Variants in GTF2IRD1 observed in about 807,000 individuals in gnomAD.
GTF2IRD1 encodes GTF2I repeat domain containing 1.
A neutral mutation model predicts 113.2 loss-of-function variants in GTF2IRD1; 26 were observed. That is an observed-to-expected ratio of 0.23 (90% confidence interval 0.17 to 0.32). The LOEUF (loss-of-function observed/expected upper bound fraction) is 0.32, where lower values mean the gene tolerates loss of function less well. Among genes scored for constraint, GTF2IRD1 ranks in the 10% least tolerant of loss-of-function variants. The pLI is 1.00. For synonymous variants in GTF2IRD1, 484 were observed against 529.1 expected, an observed-to-expected ratio of 0.91 and a Z score of 1.17; for missense variants, 864 against 1,280.8, an observed-to-expected ratio of 0.67 and a Z score of 4.97.
intron 2 of GTF2IRD1, among the ~76,000 whole-genome samples, chr7:74,509,362 AAAAT>A (rs1562816614): frequency 6.6e-6 from 1 of 151,702 alleles, no homozygotes; most frequent in Non-Finnish European, 1.5e-5. Flanking sequence ...GTCTCAAAAA[AAAAT>A]AAATAAAAAT....
intron 22 of GTF2IRD1, among the ~76,000 whole-genome samples, chr7:74,584,145 A>T (rs1554367066): frequency 1.3e-5 from 2 of 152,112 alleles, no homozygotes; most frequent in Non-Finnish European, 2.9e-5. Flanking sequence ...CAGAGTTTTG[A>T]GGACTTTGGT....
chr7:74,460,938 G>A (rs868919018), intron 1 of GTF2IRD1, among the ~76,000 whole-genome samples: 1 of 152,042 alleles, frequency 6.6e-6, no homozygotes, highest in African/African-American at 2.4e-5. Context: ...CCTGAGGCAG[G>A]TTCCCAGCAC....
At position 74,485,434 on chromosome 7, in the gene GTF2IRD1, G is replaced by A. The variant is rs184831392; in HGVS notation, c.-6-22641G>A. Among the ~76,000 whole-genome samples, 31 of 151,276 alleles carry A rather than the reference G, an allele frequency of 2.0e-4. 1 individual carries two copies. The South Asian group carries it at 2.7e-3, about 13-fold the overall frequency. On this transcript the variant is annotated intron_variant, in intron 1 of 26. Coordinates refer to ENST00000424337, the MANE Select transcript of GTF2IRD1 (RefSeq NM_005685.4). ...AGATCGAGACCATCCTGGCTAACAC[G>A]GTGAAACCCCGTCTCTACTAAAAAC...
intron 22 of GTF2IRD1, among the ~76,000 whole-genome samples, chr7:74,586,655 C>T (rs1433620911): frequency 1.3e-5 from 2 of 152,190 alleles, no homozygotes; most frequent in East Asian, 3.9e-4. Context: ...TGCCCAGCCT[C>T]TGTCCTGTGG....
chr7:74,557,769 C>T (rs1799689295), intron 20 of GTF2IRD1, 47 bp downstream of exon 20: 2 of 1,203,426 alleles, frequency 1.7e-6, no homozygotes, highest in Non-Finnish European at 1.2e-6. Flanking sequence ...CTGCTGTGCA[C>T]AGAGAAGTGG....
chr7:74,548,510 C>G (rs1232405615), intron 17 of GTF2IRD1, among the ~76,000 whole-genome samples: 3 of 152,022 alleles, frequency 2.0e-5, no homozygotes, highest in African/African-American at 7.2e-5. Flanking sequence ...TGGCTCATGC[C>G]TATAATCCCA....
chr7:74,569,248 G>A (rs1367509131), intron 22 of GTF2IRD1, among the ~76,000 whole-genome samples: 2 of 152,202 alleles, frequency 1.3e-5, no homozygotes, highest in African/African-American at 2.4e-5. Context: ...CTCCCATCCC[G>A]CACGTCCACG....
intron 1 of GTF2IRD1, among the ~76,000 whole-genome samples, chr7:74,457,559 C>T (rs1202880133): frequency 1.3e-5 from 2 of 152,250 alleles, no homozygotes; most frequent in South Asian, 2.1e-4. Context: ...CCTGAACTTC[C>T]TGGGGCCCCC....
chr7:74,481,595 G>T (rs1794744801), intron 1 of GTF2IRD1, among the ~76,000 whole-genome samples: 1 of 152,176 alleles, frequency 6.6e-6, no homozygotes, highest in Non-Finnish European at 1.5e-5. Context: ...TGAGATGCAC[G>T]GTCTGGAGTT....
chr7:74,521,335 G>A, intron 7 of GTF2IRD1, 38 bp downstream of exon 7: 1 of 1,239,946 alleles, frequency 8.1e-7, no homozygotes, highest in Non-Finnish European at 1.2e-6. Flanking sequence ...GCCTGAGTGG[G>A]AATCTGAGGT....
chr7:74,458,005 G>A (rs1793105500), intron 1 of GTF2IRD1, among the ~76,000 whole-genome samples: 2 of 151,672 alleles, frequency 1.3e-5, no homozygotes, highest in Admixed American at 1.3e-4. Context: ...CAAGTAGCCG[G>A]GATTACAGGC....
chr7:74,462,089 A>G (rs1270835726), intron 1 of GTF2IRD1, among the ~76,000 whole-genome samples: 1 of 152,118 alleles, frequency 6.6e-6, no homozygotes, highest in African/African-American at 2.4e-5. Flanking sequence ...AAGTACAAAA[A>G]TTAGCCAGGC....
chr7:74,492,557 C>T (rs1276243245), intron 1 of GTF2IRD1, among the ~76,000 whole-genome samples: 1 of 152,126 alleles, frequency 6.6e-6, no homozygotes, highest in Non-Finnish European at 1.5e-5. Flanking sequence ...GCATTTCACT[C>T]ATGATCAATG....
rs369097351 is a variant in GTF2IRD1, at chr7:74,602,398, C to T, written c.2800C>T (p.Leu934=). 37 of 1,613,716 alleles carry T rather than the reference C, an allele frequency of 2.3e-5. No individual in the cohort carries two copies. The highest frequency in any genetic ancestry group is 3.1e-5 in the Non-Finnish European group (37 of 1,179,702). Residue 934 remains leucine (L), a synonymous_variant, in exon 27 of 27, where the codon CTG becomes TTG. Transcript: ENST00000424337. ...AATGTACATGGTGGACTATGCCGGC[C>T]TGAACGTGCAGCTCCCGGGACCTCT... ...WPMYMVDYAG[L]NVQLPGPLNY
At chr7:74,579,229 G>T (rs1801264286) in intron 22 of GTF2IRD1, among the ~76,000 whole-genome samples, 1 of 152,148 alleles carries the variant, frequency 6.6e-6, no homozygotes, top group South Asian at 2.1e-4. Context: ...ACTGCGGCAG[G>T]AGGATGAGGT....
At chr7:74,528,601 G>C (rs1177428134) in intron 8 of GTF2IRD1, among the ~76,000 whole-genome samples, 1 of 151,704 alleles carries the variant, frequency 6.6e-6, no homozygotes, top group South Asian at 2.1e-4. Context: ...GACAGACACA[G>C]CAGGGGAGGG....
chr7:74,503,197 C>T (rs1436145312), intron 1 of GTF2IRD1, among the ~76,000 whole-genome samples: 1 of 151,714 alleles, frequency 6.6e-6, no homozygotes, highest in Non-Finnish European at 1.5e-5. Context: ...TCCAGGGCCC[C>T]GCTGCCCAGG....
At chr7:74,467,355 C>T (rs1250351075) in intron 1 of GTF2IRD1, among the ~76,000 whole-genome samples, 3 of 152,154 alleles carry the variant, frequency 2.0e-5, no homozygotes, top group East Asian at 1.9e-4. Context: ...AGGGCAGTGG[C>T]GATGGCAGTG....
rs1206003291 is a variant in GTF2IRD1, at chr7:74,497,921, CT to C, written c.-6-10153del. Among the ~76,000 whole-genome samples, 3 of 152,130 alleles carry C rather than the reference CT, an allele frequency of 2.0e-5. No individual in the cohort carries two copies. The East Asian group carries it at 5.8e-4, about 29-fold the overall frequency. On this transcript the variant is annotated intron_variant, in intron 1 of 26. Transcript: ENST00000424337. ...GTTTCACCATGTTGGTCAGGCTGGT[CT>C]CGAACTCCTGACCTTAGATGATCCG...
Sources: allele counts gnomAD v4.1 joint callset (sites outside exome capture counted in the v4.1 genomes callset), GRCh38; gene constraint gnomAD v4.1.1; transcripts MANE v1.5; gene names NCBI Gene and HGNC (gene_info 2026-07-23, HGNC 2026-07-21).